Variants in ABCA13 observed in about 807,000 individuals in gnomAD.
ABCA13 encodes ATP binding cassette subfamily A member 13.
A neutral mutation model predicts 478.7 loss-of-function variants in ABCA13; 476 were observed. The observed-to-expected ratio is 0.99, with a 90% CI of 0.92 to 1.07. ABCA13 has a LOEUF of 1.07. Ranked by LOEUF, ABCA13 falls within the 50% of genes least tolerant of loss-of-function variation. The probability of loss-of-function intolerance (pLI) is 0.00; values close to 1 mark genes in which losing one functional copy is unlikely to be tolerated. For synonymous variants in ABCA13, 2,252 were observed against 2,158.9 expected, an observed-to-expected ratio of 1.04 and a Z score of -1.20; for missense variants, 6,060 against 5,910.6, an observed-to-expected ratio of 1.03 and a Z score of -0.83.
Position 48,275,686 on chromosome 7 carries a change from A to C in ABCA13, c.6020A>C (p.Gln2007Pro). 6.3e-7 allele frequency: 1 copy of C among 1,599,354 alleles called. No homozygotes were observed. Among genetic ancestry groups the C allele is most frequent in the Non-Finnish European group, 8.5e-7 (1 of 1,172,056 alleles). ...TCCTCAAATTTGGAAAGGACAGTAC[A>C]ATTGATTTCTGAAGACTGGAGCCTA... is the stretch of plus-strand genomic sequence containing the variant. ...IISSNLERTV[Q>P]LISEDWSLEK... The change falls in exon 17 of 62, where the codon CAA becomes CCA. Residue 2007 changes from glutamine to proline, a missense_variant. Around this residue, in one of 3 missense-constraint regions of ABCA13, gnomAD observed 4,423 missense variants for 4,309.1 expected, o/e 1.03. Coordinates refer to ENST00000435803, the MANE Select transcript of ABCA13 (RefSeq NM_152701.5).
intron 48 of ABCA13, among the ~76,000 whole-genome samples, chr7:48,500,686 A>C (rs201728790): frequency 2.6e-5 from 4 of 152,188 alleles, no homozygotes; most frequent in Non-Finnish European, 4.4e-5. Flanking sequence ...AAAACATTGC[A>C]TGGGTTTCAC....
At chr7:48,642,124 G>A (rs1795138124) in intron 59 of ABCA13, among the ~76,000 whole-genome samples, 1 of 152,142 alleles carries the variant, frequency 6.6e-6, no homozygotes, top group Non-Finnish European at 1.5e-5. Flanking sequence ...CTGTGGCCAT[G>A]CACAGACCTC....
chr7:48,449,092 C>T (rs549755671), intron 42 of ABCA13, among the ~76,000 whole-genome samples: 20 of 152,326 alleles, frequency 1.3e-4, no homozygotes, highest in Non-Finnish European at 2.6e-4. Context: ...ATTCGCCCAC[C>T]TTGGCCTCCC....
At chr7:48,336,023 C>T (rs565897589) in intron 28 of ABCA13, among the ~76,000 whole-genome samples, 1 of 152,234 alleles carries the variant, frequency 6.6e-6, no homozygotes, top group Admixed American at 6.5e-5. Flanking sequence ...TACCTTAACT[C>T]TGATAGGATG....
intron 33 of ABCA13, among the ~76,000 whole-genome samples, chr7:48,373,440 A>G (rs1812971760): frequency 6.6e-6 from 1 of 152,204 alleles, no homozygotes; most frequent in African/African-American, 2.4e-5. Flanking sequence ...AAACGATTCA[A>G]AGCTGTCTGG....
chr7:48,313,797 A>G (rs1022659418), intron 25 of ABCA13, among the ~76,000 whole-genome samples: 12 of 152,218 alleles, frequency 7.9e-5, no homozygotes, highest in Admixed American at 6.5e-4. Flanking sequence ...CAATGTTCTC[A>G]GAACTGCCTT....
intron 59 of ABCA13, among the ~76,000 whole-genome samples, chr7:48,617,833 C>T (rs889968295): frequency 4.6e-5 from 7 of 152,120 alleles, no homozygotes; most frequent in African/African-American, 1.7e-4. Flanking sequence ...AGCCATTTTT[C>T]AGGGTGAAGT....
At chr7:48,517,472 C>T (rs953814563) in intron 52 of ABCA13, among the ~76,000 whole-genome samples, 3 of 152,166 alleles carry the variant, frequency 2.0e-5, no homozygotes, top group Non-Finnish European at 4.4e-5. Flanking sequence ...GTGAGGTCAA[C>T]GCCACTCTCC....
chr7:48,226,576 GC>G (rs2069972547), intron 5 of ABCA13, among the ~76,000 whole-genome samples: 1 of 152,218 alleles, frequency 6.6e-6, no homozygotes, highest in South Asian at 2.1e-4. Context: ...GAACTAGGCA[GC>G]AAGAAGAGAA....
Position 48,245,978 on chromosome 7 carries a change from A to G in ABCA13, c.1607A>G (p.Asn536Ser). 1 of 1,613,532 alleles carries G rather than the reference A, an allele frequency of 6.2e-7. No individual in the cohort carries two copies. The highest frequency in any genetic ancestry group is 1.3e-5 in the African/African-American group (1 of 74,930). Reference protein sequence around the residue: ...GGLQGLLCYCNSSETSVLNKL... With the variant: ...GGLQGLLCYCSSSETSVLNKL... ...CTCCAGGGACTGTTGTGCTATTGTA[A>G]CTCCTCTGAGACGAGTGTTTTAAAC... The change falls in exon 13 of 62, where the codon AAC becomes AGC. Residue 536 changes from asparagine to serine, a missense_variant. By Grantham distance (46) the Asn-to-Ser change is conservative. Around this residue, in one of 3 missense-constraint regions of ABCA13, gnomAD observed 4,423 missense variants for 4,309.1 expected, o/e 1.03. Transcript: ENST00000435803.
Position 48,603,156 on chromosome 7 carries a change from A to G in ABCA13, c.14744+8343A>G, listed in dbSNP as rs572388331. Among the ~76,000 whole-genome samples the G allele has an allele frequency of 4.6e-5, 7 of 152,314 alleles. 1 individual carries two copies. The East Asian group carries it at 1.4e-3, about 29-fold the overall frequency. ...TGAGATGATGGGGTTTGCTAAATAT[A>G]TAGTCATGTCAACTGCAAGCAGAGG... On this transcript the variant is annotated intron_variant, in intron 58 of 61. Transcript: ENST00000435803.
At chr7:48,452,932 T>C (rs1825218633) in intron 42 of ABCA13, among the ~76,000 whole-genome samples, 1 of 152,220 alleles carries the variant, frequency 6.6e-6, no homozygotes, top group Non-Finnish European at 1.5e-5. Context: ...GCAGACTTAA[T>C]AGAATTGGTG....
rs1382924430 is a variant in ABCA13, at chr7:48,210,562, A to G, written c.288-8792A>G. Among the ~76,000 whole-genome samples, 3 of 152,068 alleles carry G rather than the reference A, an allele frequency of 2.0e-5. No homozygotes were observed. The South Asian group carries it at 6.2e-4, about 32-fold the overall frequency. ...TTCTATTTTGATTTTTTTTTAAACAATTTTAAAATTTCCTTCTTAATTTCT... is the reference window on the plus strand; with the variant it reads ...TTCTATTTTGATTTTTTTTTAAACAGTTTTAAAATTTCCTTCTTAATTTCT... On this transcript the variant is annotated intron_variant, in intron 3 of 61. Transcript: ENST00000435803.
At position 48,275,425 on chromosome 7, in the gene ABCA13, T is replaced by G. The variant is rs1439920257; in HGVS notation, c.5759T>G (p.Phe1920Cys). 6.2e-6 allele frequency: 10 copies of G among 1,613,890 alleles called. No homozygotes were observed. The South Asian group carries it at 1.1e-4, about 18-fold the overall frequency. The change falls in exon 17 of 62, where the codon TTT (phenylalanine) becomes TGT (cysteine). Residue 1920 changes from phenylalanine to cysteine, a missense_variant. Physicochemically the swap from Phe to Cys is radical, Grantham distance 205. Transcript: ENST00000435803. ...TCTCTTGTGAAAACTGTGCAGAAAT[T>G]TTGGCATAAGATATTACCGTTTGTC... ...NISLVKTVQK[F>C]WHKILPFVPP...
Position 48,412,359 on chromosome 7 carries a change from G to A in ABCA13, c.12235G>A (p.Val4079Ile). The A allele has an allele frequency of 1.2e-6, 2 of 1,611,464 alleles. No individual in the cohort carries two copies. The highest frequency in any genetic ancestry group is 2.2e-5 in the South Asian group (2 of 90,640). ...LRLTLTRQPS[V>I]LEAHDLKDMA... The stretch of plus-strand genomic sequence containing the variant: ...TCCTTTTTTTTATGGATAGCCTTCT[G>A]TTCTGGAGGCCCATGATCTGAAAGA... The change falls in exon 41 of 62, where the codon GTT becomes ATT. Residue 4079 changes from valine to isoleucine, a missense_variant. Coordinates refer to ENST00000435803, the MANE Select transcript of ABCA13 (RefSeq NM_152701.5).
chr7:48,464,608 T>A (rs985590394), intron 43 of ABCA13, among the ~76,000 whole-genome samples: 1 of 152,200 alleles, frequency 6.6e-6, no homozygotes, highest in African/African-American at 2.4e-5. Flanking sequence ...GCATTTCTTC[T>A]CAATTAAATT....
chr7:48,509,514 C>T (rs531982619), intron 50 of ABCA13, among the ~76,000 whole-genome samples: 4 of 152,290 alleles, frequency 2.6e-5, no homozygotes, highest in African/African-American at 9.6e-5. Flanking sequence ...TTCTTTTCAG[C>T]ACCCTTAGTT....
chr7:48,466,721 T>A (rs1300504629), intron 43 of ABCA13, among the ~76,000 whole-genome samples: 1 of 152,254 alleles, frequency 6.6e-6, no homozygotes, highest in Non-Finnish European at 1.5e-5. Flanking sequence ...AATGTGAGTC[T>A]ATAAAAATGC....
intron 27 of ABCA13, among the ~76,000 whole-genome samples, chr7:48,325,237 G>T (rs960285387): frequency 1.3e-5 from 2 of 152,100 alleles, no homozygotes; most frequent in Non-Finnish European, 2.9e-5. Flanking sequence ...TGTGGTCCAG[G>T]TATGTTCTGT....
Sources: gnomAD v4.1 joint callset for allele counts (sites outside exome capture counted in the v4.1 genomes callset) on GRCh38, gnomAD v4.1.1 for gene constraint, gnomAD v4.1.1 regional missense constraint, MANE v1.5 for transcripts, NCBI Gene and HGNC (gene_info 2026-07-23, HGNC 2026-07-21) for gene names.